The following CEP350 variants were observed in gnomAD, a reference collection of about 807,000 sequenced individuals.
CEP350 encodes centrosome-associated protein 350.
A neutral mutation model predicts 331.8 loss-of-function variants in CEP350; 126 were observed. The observed-to-expected ratio is 0.38, with a 90% CI of 0.33 to 0.44. The LOEUF (loss-of-function observed/expected upper bound fraction) is 0.44. Ranked by LOEUF, CEP350 falls within the 20% of genes least tolerant of loss-of-function variation. The pLI is 1.00. For synonymous variants in CEP350, 1,200 were observed against 1,259.5 expected, an observed-to-expected ratio of 0.95 and a Z score of 1.00; for missense variants, 3,406 against 3,634.6, an observed-to-expected ratio of 0.94 and a Z score of 1.62.
chr1:179,956,804 GT>G (rs1357423316), intron 1 of CEP350, among the ~76,000 whole-genome samples: 1 of 151,388 alleles, frequency 6.6e-6, no homozygotes, highest in Non-Finnish European at 1.5e-5. Flanking sequence ...TTATTTTGCA[GT>G]CGTGGAAACT....
Position 180,080,645 on chromosome 1 carries a change from A to T in CEP350, c.6108A>T (p.Leu2036Phe). 6.2e-7 allele frequency: 1 copy of T among 1,613,646 alleles called. No individual in the cohort carries two copies. The highest frequency in any genetic ancestry group is 8.5e-7 in the Non-Finnish European group (1 of 1,179,640). The change falls in exon 30 of 38, where the codon TTA becomes TTT. Residue 2036 changes from leucine to phenylalanine, a missense_variant. Around this residue, in one of 5 missense-constraint regions of CEP350, gnomAD observed 1,415 missense variants for 1,512.3 expected, o/e 0.94. Transcript: ENST00000367607. Reference protein sequence around the residue: ...QHCYSWSDESLSMTQSETTSD... With the variant: ...QHCYSWSDESFSMTQSETTSD... ...GTTATAGTTGGTCAGATGAGTCATT[A>T]TCTATGACACAGTCAGGTAAGACTA...
intron 19 of CEP350, among the ~76,000 whole-genome samples, chr1:180,042,501 A>G (rs1187284405): frequency 6.6e-6 from 1 of 152,228 alleles, no homozygotes; most frequent in Non-Finnish European, 1.5e-5. Context: ...TATGTTGGGT[A>G]CTGTGGAGTT....
At chr1:179,966,218 G>A (rs1034509649) in intron 1 of CEP350, among the ~76,000 whole-genome samples, 3 of 152,074 alleles carry the variant, frequency 2.0e-5, no homozygotes, top group Non-Finnish European at 4.4e-5. Context: ...TCTATAAAGA[G>A]TCTTTTTATA....
intron 27 of CEP350, among the ~76,000 whole-genome samples, chr1:180,069,824 G>T (rs1415656048): frequency 1.2e-4 from 18 of 152,104 alleles, no homozygotes. Flanking sequence ...AACAGTAATA[G>T]AATTAAAAAC....
At chr1:180,086,540 C>CAT (rs35457934) in intron 31 of CEP350, among the ~76,000 whole-genome samples, 5,508 of 149,662 alleles carry the variant, frequency 0.037, 126 homozygotes, top group East Asian at 0.072. Flanking sequence ...ATGAGATATG[C>CAT]ATATATATAT....
At chr1:180,035,497 T>A (rs945975710) in intron 16 of CEP350, among the ~76,000 whole-genome samples, 1 of 152,180 alleles carries the variant, frequency 6.6e-6, no homozygotes, top group Non-Finnish European at 1.5e-5. Flanking sequence ...TGACTTAAAG[T>A]TGAAGCTAAT....
chr1:180,009,226 T>C (rs956117832), intron 8 of CEP350, among the ~76,000 whole-genome samples: 2 of 152,244 alleles, frequency 1.3e-5, no homozygotes, highest in Non-Finnish European at 2.9e-5. Context: ...GCCAGGATGG[T>C]CTTGAACTCC....
chr1:179,982,181 C>T (rs879712398), intron 1 of CEP350, among the ~76,000 whole-genome samples: 1 of 152,192 alleles, frequency 6.6e-6, no homozygotes, highest in Non-Finnish European at 1.5e-5. Flanking sequence ...AGCAGTACCT[C>T]AGAAGCACTT....
Position 180,020,919 on chromosome 1 carries a change from C to G in CEP350, c.3145C>G (p.Gln1049Glu). ...LPLFGHIGGT[Q>E]SKGPWEELAK... ...ACTTTTTGGGCACATAGGTGGTACACAAAGCAAAGGACCATGGGAAGAATT... is the reference window on the plus strand; with the variant it reads ...ACTTTTTGGGCACATAGGTGGTACAGAAAGCAAAGGACCATGGGAAGAATT... The change falls in exon 12 of 38, where the codon CAA (glutamine) becomes GAA (glutamate). Residue 1049 changes from glutamine to glutamate, a missense_variant. Gln to Glu is a conservative substitution (Grantham distance 29). Around this residue, in one of 5 missense-constraint regions of CEP350, gnomAD observed 1,857 missense variants for 1,909.2 expected, o/e 0.97. Coordinates refer to ENST00000367607, the MANE Select transcript of CEP350 (RefSeq NM_014810.5). 6.2e-7 allele frequency: 1 copy of G among 1,611,792 alleles called. No individual in the cohort carries two copies. Among genetic ancestry groups the G allele is most frequent in the Non-Finnish European group, 8.5e-7 (1 of 1,179,454 alleles).
chr1:179,957,631 CAAAACAA>C (rs1280307468), intron 1 of CEP350, among the ~76,000 whole-genome samples: 3 of 152,036 alleles, frequency 2.0e-5, no homozygotes, highest in Non-Finnish European at 4.4e-5. Context: ...AAATGCAAAA[CAAAACAA>C]AAGACTAGTT....
chr1:180,052,613 ATGT>A (rs1657584407), intron 22 of CEP350, among the ~76,000 whole-genome samples: 1 of 152,150 alleles, frequency 6.6e-6, no homozygotes, highest in Admixed American at 6.5e-5. Context: ...ATTGATAGTA[ATGT>A]TAAACATTTT....
intron 37 of CEP350, among the ~76,000 whole-genome samples, chr1:180,101,565 C>A (rs1028503854): frequency 6.6e-6 from 1 of 152,090 alleles, no homozygotes; most frequent in Non-Finnish European, 1.5e-5. Context: ...CCCCACACAC[C>A]AAGCAGTGGA....
chr1:180,029,077 G>A (rs1033905389), intron 14 of CEP350, among the ~76,000 whole-genome samples: 1 of 152,190 alleles, frequency 6.6e-6, no homozygotes, highest in African/African-American at 2.4e-5. Flanking sequence ...GTGAAAAGGA[G>A]TGTCTGCCTG....
At chr1:180,109,370 CG>C (rs1661352358) in intron 37 of CEP350, among the ~76,000 whole-genome samples, 1 of 151,968 alleles carries the variant, frequency 6.6e-6, no homozygotes, top group Non-Finnish European at 1.5e-5. Context: ...CACCCGTCTC[CG>C]CCTCCCAAAG....
At chr1:180,074,469 T>A (rs1659096743) in intron 27 of CEP350, among the ~76,000 whole-genome samples, 1 of 152,180 alleles carries the variant, frequency 6.6e-6, no homozygotes, top group Non-Finnish European at 1.5e-5. Flanking sequence ...ACATTGTATC[T>A]CTTAGGTAAT....
intron 27 of CEP350, among the ~76,000 whole-genome samples, chr1:180,070,318 A>G (rs1464707231): frequency 6.6e-6 from 1 of 152,212 alleles, no homozygotes; most frequent in Non-Finnish European, 1.5e-5. Context: ...TTATAATTTT[A>G]TTCAAATTAT....
At chr1:180,095,175 A>T (rs1210195415) in intron 34 of CEP350, 1 of 189,110 alleles carries the variant, frequency 5.3e-6, no homozygotes, top group Non-Finnish European at 1.1e-5. Flanking sequence ...ACTTTGAGTA[A>T]CTTGAGCCAG....
At chr1:179,958,156 G>T (rs1650315185) in intron 1 of CEP350, among the ~76,000 whole-genome samples, 1 of 151,990 alleles carries the variant, frequency 6.6e-6, no homozygotes, top group Non-Finnish European at 1.5e-5. Context: ...AACTCAAAAT[G>T]GGCCTTTTTT....
At chr1:180,005,469 C>A (rs527797002) in intron 7 of CEP350, among the ~76,000 whole-genome samples, 1 of 151,944 alleles carries the variant, frequency 6.6e-6, no homozygotes, top group South Asian at 2.1e-4. Context: ...TCACTTTCAC[C>A]ACTTCCATTA....
Sources: allele counts gnomAD v4.1 joint callset (sites outside exome capture counted in the v4.1 genomes callset), GRCh38; gene constraint gnomAD v4.1.1; regional missense constraint gnomAD v4.1.1; transcripts MANE v1.5; gene names NCBI Gene and HGNC (gene_info 2026-07-23, HGNC 2026-07-21).